The following APOOL variants were observed in gnomAD, a reference collection of about 807,000 sequenced individuals.
APOOL encodes the protein MICOS complex subunit MIC27.
In APOOL, 12 loss-of-function variants were observed where a neutral mutation model predicts 23.1. The ratio of observed to expected loss-of-function variants is 0.52; its 90% CI spans 0.33 to 0.84. The LOEUF is 0.84. APOOL is among the 40% of genes least tolerant of loss of function. The pLI is 0.02. For synonymous variants in APOOL, 77 were observed against 69.9 expected (o/e 1.10, Z -0.51); for missense variants, 212 against 199.6 (o/e 1.06, Z -0.37).
chrX:85,007,046 A>G (rs1921103995), intron 1 of APOOL, among the ~76,000 whole-genome samples: 1 of 111,644 alleles, frequency 9.0e-6, no homozygotes, highest in Non-Finnish European at 1.9e-5. Context: ...CGGAGGAGGT[A>G]GAGGAGGGAG....
intron 1 of APOOL, among the ~76,000 whole-genome samples, chrX:85,029,113 G>A (rs1189059724): frequency 9.0e-6 from 1 of 111,500 alleles, no homozygotes; most frequent in Non-Finnish European, 1.9e-5. Flanking sequence ...CCTCCAAAGT[G>A]TTCTCCATAG....
Position 85,072,717 on chromosome X carries a change from A to G in APOOL, c.487-1281A>G, listed in dbSNP as rs78352870. On this transcript the variant is annotated intron_variant, in intron 6 of 8. Transcript: ENST00000373173. ...AGCAGCAAATTTAAAAAGTAGATCT[A>G]CGGTATATAAAGTAATATAGAACCG... Among the ~76,000 whole-genome samples the G allele has an allele frequency of 0.013, 1,465 of 111,690 alleles. 40 individuals are homozygous for G. In the East Asian group the frequency reaches 0.14, roughly 11 times the overall value.
In APOOL at chrX:85,034,719, T is replaced by A. The variant is rs545272663; in HGVS notation, c.16-11727T>A. 3.2e-4 allele frequency among the ~76,000 whole-genome samples: 36 copies of A among 112,454 alleles called. No individual in the cohort carries two copies. The South Asian group carries it at 0.013, about 40-fold the overall frequency. ...ATAAGTGAGAACATGCAGTATTTGA[T>A]TTTCTGTTCCTGCATTAATTCAGTT... On this transcript the variant is annotated intron_variant, in intron 1 of 8. Transcript: ENST00000373173.
At chrX:85,060,809 A>T (rs1026508810) in intron 5 of APOOL, among the ~76,000 whole-genome samples, 5 of 111,559 alleles carry the variant, frequency 4.5e-5, no homozygotes, top group Non-Finnish European at 9.4e-5. Context: ...CTAGATATAC[A>T]ATCATGTCAT....
chrX:85,023,344 G>T (rs778122530), intron 1 of APOOL, among the ~76,000 whole-genome samples: 1 of 111,811 alleles, frequency 8.9e-6, no homozygotes, highest in African/African-American at 3.2e-5. Flanking sequence ...AAAATACTTA[G>T]AAATAAATTT....
intron 1 of APOOL, among the ~76,000 whole-genome samples, chrX:85,034,346 T>C (rs776762317): frequency 8.9e-6 from 1 of 112,028 alleles, no homozygotes; most frequent in South Asian, 3.7e-4. Context: ...AAATGTTTTA[T>C]AAATATTATT....
At chrX:85,008,398 T>C (rs762251257) in intron 1 of APOOL, among the ~76,000 whole-genome samples, 3 of 111,782 alleles carry the variant, frequency 2.7e-5, no homozygotes, top group Non-Finnish European at 5.6e-5. Context: ...TTCTCAAAAT[T>C]CCACGTACAA....
chrX:85,011,665 A>G (rs1921287158), intron 1 of APOOL, among the ~76,000 whole-genome samples: 1 of 111,340 alleles, frequency 9.0e-6, no homozygotes, highest in African/African-American at 3.3e-5. Context: ...ATTTGGCTTT[A>G]TTTCTTGGTT....
At chrX:85,023,587 C>T (rs1414298542) in intron 1 of APOOL, among the ~76,000 whole-genome samples, 6 of 111,770 alleles carry the variant, frequency 5.4e-5, no homozygotes, top group South Asian at 3.7e-4. Flanking sequence ...GAAGAGACTC[C>T]GAACAGCCAG....
intron 1 of APOOL, among the ~76,000 whole-genome samples, chrX:85,017,376 C>T (rs1921513515): frequency 9.0e-6 from 1 of 111,658 alleles, no homozygotes. Context: ...AGTTTAGATC[C>T]AGGCAGCCTG....
intron 6 of APOOL, among the ~76,000 whole-genome samples, 161 bp from the exon 7 acceptor site, chrX:85,073,837 T>C (rs1329797355): frequency 8.9e-6 from 1 of 111,899 alleles, no homozygotes; most frequent in Non-Finnish European, 1.9e-5. Flanking sequence ...ATTTTTCATA[T>C]AAGATTTTAG....
chrX:85,075,164 G>A (rs982291807), intron 8 of APOOL, among the ~76,000 whole-genome samples: 4 of 110,796 alleles, frequency 3.6e-5, no homozygotes, highest in African/African-American at 1.3e-4. Flanking sequence ...AGCGGTTGGG[G>A]AATAATAATA....
intron 1 of APOOL, among the ~76,000 whole-genome samples, chrX:85,010,754 G>A (rs1921249115): frequency 8.9e-6 from 1 of 111,932 alleles, no homozygotes; most frequent in African/African-American, 3.2e-5. Context: ...TGGTTGATGG[G>A]CATTTGGGTT....
At chrX:85,005,020 T>C (rs149586475) in intron 1 of APOOL, among the ~76,000 whole-genome samples, 150 of 111,456 alleles carry the variant, frequency 1.3e-3, no homozygotes, top group African/African-American at 4.6e-3. Flanking sequence ...TTCCCATGCT[T>C]ATCTAGTTGT....
At chrX:85,086,950 C>T (rs1490681396) in intron 8 of APOOL, among the ~76,000 whole-genome samples, 2 of 110,371 alleles carry the variant, frequency 1.8e-5, no homozygotes, top group African/African-American at 6.6e-5. Context: ...CCGCCCGTCT[C>T]GGCCTCCCAA....
At position 85,088,177 on chromosome X, in the gene APOOL, TATAAATAC is replaced by T. The variant is rs1924416723; in HGVS notation, c.*503_*510del. ...ATACATACATATTTATACATATATG[TATAAATAC>T]ATACATATTTATACATATATATGTA... On this transcript the variant is annotated 3_prime_UTR_variant, in exon 9 of 9. Transcript: ENST00000373173. 1 of 38,428 alleles carries T rather than the reference TATAAATAC, an allele frequency of 2.6e-5. No homozygotes were observed. Among genetic ancestry groups the T allele is most frequent in the Non-Finnish European group, 5.1e-5 (1 of 19,458 alleles). 3.2% of individuals were successfully genotyped at this position (38,428 alleles called of 1,213,427 possible).
chrX:85,086,695 C>A (rs1380829802), intron 8 of APOOL, among the ~76,000 whole-genome samples: 4 of 110,675 alleles, frequency 3.6e-5, no homozygotes, highest in Non-Finnish European at 7.6e-5. Context: ...TTCCCCATAG[C>A]CAAGAGTGAT....
chrX:85,044,880 G>A (rs980308325), intron 1 of APOOL, among the ~76,000 whole-genome samples: 1 of 111,504 alleles, frequency 9.0e-6, no homozygotes, highest in Non-Finnish European at 1.9e-5. Flanking sequence ...GATCATTAGT[G>A]TGTTGAAAAA....
chrX:85,092,519 C>CG lies in APOOL; in HGVS notation c.*4842dup. ...TTGATAGAAGCCTGGTTCCAAATGACGACAAGAAAGTGCATGCAGTTACAT... is the reference window on the plus strand; with the variant it reads ...TTGATAGAAGCCTGGTTCCAAATGACGGACAAGAAAGTGCATGCAGTTACAT... On this transcript the variant is annotated 3_prime_UTR_variant, in exon 9 of 9. Coordinates refer to ENST00000373173, the MANE Select transcript of APOOL (RefSeq NM_198450.6). 2 of 1,209,825 alleles carry CG rather than the reference C, an allele frequency of 1.7e-6. No individual in the cohort carries two copies. Among genetic ancestry groups the CG allele is most frequent in the Non-Finnish European group, 2.2e-6 (2 of 894,240 alleles).
Sources: allele counts gnomAD v4.1 joint callset (sites outside exome capture counted in the v4.1 genomes callset), GRCh38; gene constraint gnomAD v4.1.1; transcripts MANE v1.5; gene names NCBI Gene and HGNC (gene_info 2026-07-23, HGNC 2026-07-21).